The following NF1 variants were observed in gnomAD, a reference collection of about 807,000 sequenced individuals.
NF1 encodes the protein neurofibromin 1.
A neutral mutation model predicts 325.7 loss-of-function variants in NF1; 122 were observed. The ratio of observed to expected loss-of-function variants is 0.37; its 90% CI spans 0.32 to 0.44. The LOEUF is 0.44. Among genes scored for constraint, NF1 ranks in the 20% least tolerant of loss-of-function variants. The pLI is 1.00. For missense variants in NF1, 2,140 were observed against 3,415.4 expected (o/e 0.63, Z 9.31); for synonymous variants, 1,091 against 1,186.0 (o/e 0.92, Z 1.65).
chr17:31,367,711 A>AAGG (rs2070555187), intron 57 of NF1, among the ~76,000 whole-genome samples: 1 of 152,204 alleles, frequency 6.6e-6, no homozygotes, highest in African/African-American at 2.4e-5. Context: ...TGGTTAAAAA[A>AAGG]AGGAATATGG....
intron 1 of NF1, among the ~76,000 whole-genome samples, chr17:31,123,733 T>C (rs937508286): frequency 6.6e-6 from 1 of 152,336 alleles, no homozygotes; most frequent in Non-Finnish European, 1.5e-5. Flanking sequence ...TACCATAGAT[T>C]TGGTAGTTTA....
At chr17:31,102,517 AG>A (rs2143221792) in intron 1 of NF1, among the ~76,000 whole-genome samples, 1 of 152,096 alleles carries the variant, frequency 6.6e-6, no homozygotes, top group South Asian at 2.1e-4. Context: ...CCCATGTGGG[AG>A]GACTGCTTGA....
At chr17:31,221,299 G>A (rs1336301874) in intron 14 of NF1, among the ~76,000 whole-genome samples, 1 of 151,956 alleles carries the variant, frequency 6.6e-6, no homozygotes, top group Non-Finnish European at 1.5e-5. Flanking sequence ...CAGTTCTGTG[G>A]TCAATTGAAA....
At chr17:31,234,238 AT>A (rs1203262618) in intron 27 of NF1, among the ~76,000 whole-genome samples, 1 of 152,240 alleles carries the variant, frequency 6.6e-6, no homozygotes, top group Admixed American at 6.5e-5. Context: ...ATACTCATTG[AT>A]TAGCAACAGC....
At chr17:31,327,284 T>C (rs899448689) in intron 37 of NF1, among the ~76,000 whole-genome samples, 5 of 152,190 alleles carry the variant, frequency 3.3e-5, no homozygotes, top group Non-Finnish European at 7.3e-5. Flanking sequence ...CTTGACCTTT[T>C]TAAAAAGGAA....
intron 1 of NF1, among the ~76,000 whole-genome samples, chr17:31,118,466 G>T (rs1186265192): frequency 6.6e-6 from 1 of 151,988 alleles, no homozygotes; most frequent in Non-Finnish European, 1.5e-5. Flanking sequence ...AACAGGCCCA[G>T]TGTGTGATGT....
chr17:31,235,721 T>G lies in NF1; in HGVS notation c.3819T>G (p.Thr1273=). 6.2e-7 allele frequency: 1 copy of G among 1,614,076 alleles called. No individual in the cohort carries two copies. The highest frequency in any genetic ancestry group is 8.5e-7 in the Non-Finnish European group (1 of 1,179,998). ...TAGAATTGGCAGACTCCATGCAGAC[T>G]CTCTTCCGAGGCAACAGCTTGGCCA... is the stretch of plus-strand genomic sequence containing the variant. ...KEVELADSMQ[T]LFRGNSLASK... is the part of the protein sequence containing the mutation. The change falls in exon 28 of 58, where the codon ACT becomes ACG. Residue 1273 remains threonine, a synonymous_variant. Coordinates refer to ENST00000358273, the MANE Select transcript of NF1 (RefSeq NM_001042492.3).
At chr17:31,103,047 T>C (rs1186187822) in intron 1 of NF1, among the ~76,000 whole-genome samples, 1 of 151,866 alleles carries the variant, frequency 6.6e-6, no homozygotes, top group African/African-American at 2.4e-5. Context: ...GGGTTCGCCA[T>C]GTTAGCTGGT....
At chr17:31,196,146 ATAAT>A (rs1183236530) in intron 8 of NF1, among the ~76,000 whole-genome samples, 20 of 152,116 alleles carry the variant, frequency 1.3e-4, no homozygotes, top group African/African-American at 4.1e-4. Context: ...ATATTCTCAT[ATAAT>A]TATCTTTAGT....
chr17:31,102,980 G>C (rs1597560980), intron 1 of NF1, among the ~76,000 whole-genome samples: 1 of 151,824 alleles, frequency 6.6e-6, no homozygotes, highest in East Asian at 2.0e-4. Context: ...CAAGTAGCTG[G>C]CATTACAGGC....
At chr17:31,162,971 G>A (rs1283133406) in intron 3 of NF1, among the ~76,000 whole-genome samples, 5 of 152,222 alleles carry the variant, frequency 3.3e-5, no homozygotes, top group Non-Finnish European at 1.5e-5. Context: ...CTTTAATTGT[G>A]ATTATGGGGT....
At chr17:31,238,991 G>A (rs2067249457) in intron 29 of NF1, among the ~76,000 whole-genome samples, 1 of 152,144 alleles carries the variant, frequency 6.6e-6, no homozygotes, top group East Asian at 1.9e-4. Flanking sequence ...ATTTACCTCA[G>A]TTCCTATGAC....
At chr17:31,218,452 A>T (rs1203643487) in intron 13 of NF1, among the ~76,000 whole-genome samples, 1 of 152,220 alleles carries the variant, frequency 6.6e-6, no homozygotes. Flanking sequence ...CCCACATACC[A>T]TAAAATTCAC....
At chr17:31,295,013 ACAGC>A (rs1567878789) in intron 36 of NF1, 1 of 1,614,116 alleles carries the variant, frequency 6.2e-7, no homozygotes, top group Non-Finnish European at 8.5e-7. Context: ...AGACCCTCAG[ACAGC>A]CAGCATGACC....
chr17:31,371,006 G>T (rs1402393583), intron 57 of NF1, among the ~76,000 whole-genome samples: 2 of 151,790 alleles, frequency 1.3e-5, no homozygotes, highest in African/African-American at 4.8e-5. Context: ...TTAAGTGGAG[G>T]ATGCCAAAGG....
At position 31,334,877 on chromosome 17, in the gene NF1, C is replaced by T. The variant is rs2151550343; in HGVS notation, c.5852C>T (p.Pro1951Leu). The T allele has an allele frequency of 6.2e-7, 1 of 1,613,930 alleles. No individual in the cohort carries two copies. Among genetic ancestry groups the T allele is most frequent in the East Asian group, 2.2e-5 (1 of 44,844 alleles). ...LKHLCLEYMT[P>L]WLSNLVRFCK... ...CACCTTTGTTTGGAATACATGACTC[C>T]ATGGCTGTCAAATCTAGTTCGTTTT... The change falls in exon 40 of 58, where the codon CCA becomes CTA. Residue 1951 changes from proline to leucine, a missense_variant. Physicochemically the swap from Pro to Leu is moderately conservative, Grantham distance 98. This residue lies in a region of NF1 where 180 missense variants were observed against 435.1 expected (regional missense o/e 0.41). Transcript: ENST00000358273.
At chr17:31,150,730 A>C (rs952443036) in intron 1 of NF1, among the ~76,000 whole-genome samples, 1 of 152,134 alleles carries the variant, frequency 6.6e-6, no homozygotes, top group African/African-American at 2.4e-5. Flanking sequence ...CAGTTCTTTT[A>C]GAAAACACAG....
chr17:31,326,339 C>T (rs2069341602), intron 37 of NF1, 87 bp downstream of exon 37: 6 of 1,309,188 alleles, frequency 4.6e-6, no homozygotes, highest in South Asian at 1.2e-5. Context: ...TGTCCTACCC[C>T]TATAGTGGTG....
In NF1 at chr17:31,318,444, G is replaced by A. The variant is rs202192398; in HGVS notation, c.4836-7376G>A. On this transcript the variant is annotated intron_variant, in intron 36 of 57. Transcript: ENST00000358273. Reference sequence around the variant, plus strand: ...TTCTTTTCCAAGTGTCTGATTCAGCGGGCCATAGACCGCTTGCCAGAAAAT... The same window carrying A: ...TTCTTTTCCAAGTGTCTGATTCAGCAGGCCATAGACCGCTTGCCAGAAAAT... 8 of 1,613,812 alleles carry A rather than the reference G, an allele frequency of 5.0e-6. No homozygotes were observed. The African/African-American group carries it at 6.7e-5, about 13-fold the overall frequency.
Sources: gnomAD v4.1 joint callset for allele counts (sites outside exome capture counted in the v4.1 genomes callset) on GRCh38, gnomAD v4.1.1 for gene constraint, gnomAD v4.1.1 regional missense constraint, MANE v1.5 for transcripts, NCBI Gene and HGNC (gene_info 2026-07-23, HGNC 2026-07-21) for gene names.